ILDR1: variants seen among roughly 807,000 people sequenced by gnomAD.
ILDR1 encodes the protein immunoglobulin-like domain-containing receptor 1.
A neutral mutation model predicts 62.4 loss-of-function variants in ILDR1; 56 were observed. That is an observed-to-expected ratio of 0.90 (90% CI 0.72 to 1.12). The LOEUF (loss-of-function observed/expected upper bound fraction) is 1.12. ILDR1 is among the 50% of genes most tolerant of loss of function. The pLI, the probability that ILDR1 is intolerant of heterozygous loss-of-function variation, is 0.00. For missense variants in ILDR1, 736 were observed against 710.6 expected (o/e 1.04, Z -0.41); for synonymous variants, 284 against 277.8 (o/e 1.02, Z -0.22).
chr3:122,004,108 T>C (rs1412744171), intron 3 of ILDR1, among the ~76,000 whole-genome samples: 1 of 152,224 alleles, frequency 6.6e-6, no homozygotes, highest in Non-Finnish European at 1.5e-5. Context: ...GTGACCTACC[T>C]TTAAACAGTC....
chr3:122,005,924 A>AAAAC (rs1165094593), intron 2 of ILDR1, among the ~76,000 whole-genome samples: 2 of 140,592 alleles, frequency 1.4e-5, no homozygotes, highest in Non-Finnish European at 3.0e-5. Flanking sequence ...AACAAAAACA[A>AAAAC]AAACAAACAA....
rs778369601 is a variant in ILDR1 at position 121,993,245 on chromosome 3, G to T, written c.1504C>A (p.Pro502Thr). The change falls in exon 7 of 8, where the codon CCA becomes ACA. Residue 502 changes from proline to threonine, a missense_variant. Physicochemically the swap from Pro to Thr is conservative, Grantham distance 38 (BLOSUM62 -1). Coordinates refer to ENST00000344209, the MANE Select transcript of ILDR1 (RefSeq NM_001199799.2). ...WRAHRRGSHS[P>T]HWPEEKPPSY... ...GGCGGCTTCTCCTCGGGCCAGTGTG[G>T]GGAGTGCGAGCCGCGGCGGTGGGCC... 1 of 1,613,896 alleles carries T rather than the reference G, an allele frequency of 6.2e-7. No individual in the cohort carries two copies. Among genetic ancestry groups the T allele is most frequent in the Admixed American group, 1.7e-5 (1 of 60,018 alleles).
chr3:122,050,124 C>A, the ILDR1 span, among the ~76,000 whole-genome samples: 1 of 152,164 alleles, frequency 6.6e-6, no homozygotes, highest in Non-Finnish European at 1.5e-5. Flanking sequence ...AATATTTTTC[C>A]ATCCTTATAC....
intron 1 of ILDR1, among the ~76,000 whole-genome samples, chr3:122,012,794 A>G (rs1460764910): frequency 6.6e-6 from 1 of 152,204 alleles, no homozygotes; most frequent in African/African-American, 2.4e-5. Context: ...TGAGACTAGC[A>G]TGTAAAAGCA....
At chr3:122,043,299 T>C in the ILDR1 span, among the ~76,000 whole-genome samples, 1 of 151,756 alleles carries the variant, frequency 6.6e-6, no homozygotes, top group East Asian at 1.9e-4. Flanking sequence ...ACCAGTAACA[T>C]GCTGTTTTGG....
chr3:122,031,816 A>C, the ILDR1 span, among the ~76,000 whole-genome samples: 2 of 152,214 alleles, frequency 1.3e-5, no homozygotes, highest in Non-Finnish European at 2.9e-5. Flanking sequence ...AGTCTATAGT[A>C]GTTTTTTATA....
At chr3:122,057,945 G>T in the ILDR1 span, among the ~76,000 whole-genome samples, 13,181 of 152,266 alleles carry the variant, frequency 0.087, 588 homozygotes, top group East Asian at 0.11. Context: ...GGCTGCTGGG[G>T]TTTGAATACC....
intron 5 of ILDR1, among the ~76,000 whole-genome samples, chr3:121,995,730 TG>T (rs2071426539): frequency 6.6e-6 from 1 of 152,186 alleles, no homozygotes; most frequent in Admixed American, 6.6e-5. Flanking sequence ...CTCCCTCTTC[TG>T]GCCACCACCA....
chr3:122,005,237 C>A lies in ILDR1; in HGVS notation c.379+7G>T, dbSNP rs756961810. On this transcript the variant is annotated splice_region_variant and intron_variant, in intron 3 of 7. Transcript: ENST00000344209. ...CCCAGTTCCCCTGACACCTCCCCCG[C>A]ACTCACGGTTCTGGATGGTGATCTT... 1.2e-6 allele frequency: 2 copies of A among 1,600,546 alleles called. No individual in the cohort carries two copies. Among genetic ancestry groups the A allele is most frequent in the Admixed American group, 3.3e-5 (2 of 59,946 alleles).
At chr3:122,004,502 C>A (rs189255686) in intron 3 of ILDR1, among the ~76,000 whole-genome samples, 8 of 152,174 alleles carry the variant, frequency 5.3e-5, no homozygotes, top group African/African-American at 1.7e-4. Flanking sequence ...GGTTCATATA[C>A]CCTGTAAATG....
chr3:122,005,519 T>C (rs2071595475), intron 2 of ILDR1, 126 bp from the exon 3 acceptor site: 1 of 930,892 alleles, frequency 1.1e-6, no homozygotes, highest in Non-Finnish European at 1.7e-6. Flanking sequence ...TATTCATCCC[T>C]TGGGACTCTT....
the ILDR1 span, among the ~76,000 whole-genome samples, chr3:122,034,683 T>C: frequency 6.6e-6 from 1 of 152,220 alleles, no homozygotes; most frequent in Non-Finnish European, 1.5e-5. Flanking sequence ...TATTAGTCTG[T>C]TTTCATGCTG....
chr3:122,012,900 T>C (rs997502431), intron 1 of ILDR1, among the ~76,000 whole-genome samples: 2 of 152,228 alleles, frequency 1.3e-5, no homozygotes, highest in African/African-American at 4.8e-5. Context: ...CATAGCTTTG[T>C]ACCCTGGTGG....
the ILDR1 span, among the ~76,000 whole-genome samples, chr3:122,043,803 A>G: frequency 2.9e-5 from 2 of 67,884 alleles, no homozygotes; most frequent in East Asian, 3.0e-4. Flanking sequence ...TTATCAGCTT[A>G]AGGAGATTTT....
At chr3:122,030,619 G>GTTT in the ILDR1 span, among the ~76,000 whole-genome samples, 24 of 132,110 alleles carry the variant, frequency 1.8e-4, no homozygotes, top group South Asian at 5.0e-4. Context: ...AGAGGCAAGG[G>GTTT]TTTTTCTCTC....
Position 121,988,262 on chromosome 3 carries a change from T to G in ILDR1, c.*105A>C, listed in dbSNP as rs755137709. 2.2e-6 allele frequency: 2 copies of G among 922,890 alleles called. No homozygotes were observed. Among genetic ancestry groups the G allele is most frequent in the Non-Finnish European group, 3.6e-6 (2 of 552,380 alleles). 57.2% of individuals were successfully genotyped at this position (922,890 alleles called of 1,614,324 possible). On this transcript the variant is annotated 3_prime_UTR_variant, in exon 8 of 8. Transcript: ENST00000344209. ...GATTCTCAGAATCTAAGCCAAAAACTGTTAGACTCAGACTTGCAGTTCCCA... is the reference window on the plus strand; with the variant it reads ...GATTCTCAGAATCTAAGCCAAAAACGGTTAGACTCAGACTTGCAGTTCCCA...
Position 121,993,959 on chromosome 3 carries a change from G to A in ILDR1, c.790C>T (p.Pro264Ser), listed in dbSNP as rs753446286. Residue 264 changes from proline to serine, a missense_variant, in exon 7 of 8, where the codon CCG becomes TCG. Coordinates refer to ENST00000344209, the MANE Select transcript of ILDR1 (RefSeq NM_001199799.2). ...HPLLQRDLSL[P>S]SSLPQMPMTQ... ...ATTGGCATCTGCGGGAGGCTGGACG[G>A]CAGGGACAAATCTGAATGGAAACAA... The A allele has an allele frequency of 1.6e-5, 26 of 1,609,588 alleles. No individual in the cohort carries two copies. Among genetic ancestry groups the A allele is most frequent in the Middle Eastern group, 1.6e-4 (1 of 6,082 alleles).
chr3:122,033,416 G>A, the ILDR1 span, among the ~76,000 whole-genome samples: 6 of 151,712 alleles, frequency 4.0e-5, no homozygotes, highest in South Asian at 2.1e-4. Context: ...CAAGTTCAAA[G>A]TACCTTCTCT....
At chr3:121,998,028 T>C (rs1197745251) in intron 5 of ILDR1, among the ~76,000 whole-genome samples, 1 of 152,202 alleles carries the variant, frequency 6.6e-6, no homozygotes, top group Admixed American at 6.5e-5. Flanking sequence ...GAAGCTTCCT[T>C]CTGCATCTAG....
Sources: allele counts gnomAD v4.1 joint callset (sites outside exome capture counted in the v4.1 genomes callset), GRCh38; gene constraint gnomAD v4.1.1; transcripts MANE v1.5; gene names NCBI Gene and HGNC (gene_info 2026-07-23, HGNC 2026-07-21).